Variants in TMPRSS11F observed in about 807,000 individuals in gnomAD.
TMPRSS11F encodes transmembrane protease serine 11F.
Under a neutral mutation model 60.2 loss-of-function variants are expected in TMPRSS11F, and 47 were observed. That is an observed-to-expected ratio of 0.78 (90% CI 0.62 to 1.00). TMPRSS11F has a LOEUF of 1.00. Among genes scored for constraint, TMPRSS11F ranks in the 50% least tolerant of loss-of-function variants. TMPRSS11F has a pLI of 0.00. For missense variants in TMPRSS11F, 519 were observed against 522.9 expected (o/e 0.99, Z 0.07); for synonymous variants, 166 against 167.3 (o/e 0.99, Z 0.06).
chr4:68,090,962 A>G (rs1207626459), intron 2 of TMPRSS11F, among the ~76,000 whole-genome samples: 1 of 152,232 alleles, frequency 6.6e-6, no homozygotes, highest in Non-Finnish European at 1.5e-5. Flanking sequence ...TGTAAATGTC[A>G]TCAGTTCCCT....
chr4:68,090,499 A>T lies in TMPRSS11F; in HGVS notation c.282+24T>A, dbSNP rs748273568. Reference sequence around the variant, plus strand: ...TGATGCAAAAGACACATTAATAAACATTTAAAATTTCTGTTGAGCTTACCA... The same window carrying T: ...TGATGCAAAAGACACATTAATAAACTTTTAAAATTTCTGTTGAGCTTACCA... On this transcript the variant is annotated intron_variant, in intron 3 of 9. Coordinates refer to ENST00000356291, the MANE Select transcript of TMPRSS11F (RefSeq NM_207407.2). 3.8e-6 allele frequency: 6 copies of T among 1,564,550 alleles called. No homozygotes were observed. The Admixed American group carries it at 1.0e-4, about 27-fold the overall frequency.
Position 68,071,600 on chromosome 4 carries a change from G to T in TMPRSS11F, c.514+723C>A, listed in dbSNP as rs564397887. ...TGACATTTAAAATTTTATTTGAAACGCATTATTTTACTACCTTCAATTACA... is the reference window on the plus strand; with the variant it reads ...TGACATTTAAAATTTTATTTGAAACTCATTATTTTACTACCTTCAATTACA... On this transcript the variant is annotated intron_variant, in intron 5 of 9. Coordinates refer to ENST00000356291, the MANE Select transcript of TMPRSS11F (RefSeq NM_207407.2). 1.0e-3 allele frequency among the ~76,000 whole-genome samples: 159 copies of T among 152,228 alleles called. 1 individual carries two copies. The highest frequency in any genetic ancestry group is 1.0e-3 in the Non-Finnish European group (69 of 68,002).
At chr4:68,073,802 G>A in intron 4 of TMPRSS11F, 140 bp downstream of exon 4, 1 of 533,530 alleles carries the variant, frequency 1.9e-6, no homozygotes, top group East Asian at 3.6e-5. Context: ...TGGGAAATAA[G>A]TAGGAAACCT....
At chr4:68,083,352 GT>G (rs935719809) in intron 3 of TMPRSS11F, among the ~76,000 whole-genome samples, 8 of 152,116 alleles carry the variant, frequency 5.3e-5, no homozygotes, top group Non-Finnish European at 1.2e-4. Flanking sequence ...GATGGACCTG[GT>G]AAGAGCATCA....
At chr4:68,054,931 T>C (rs947073862) in intron 9 of TMPRSS11F, among the ~76,000 whole-genome samples, 1 of 152,154 alleles carries the variant, frequency 6.6e-6, no homozygotes, top group Non-Finnish European at 1.5e-5. Flanking sequence ...CGTGCTATGG[T>C]AACACACAAC....
Position 68,059,487 on chromosome 4 carries a change from A to C in TMPRSS11F, c.1016-19T>G, listed in dbSNP as rs878961233. Reference sequence around the variant, plus strand: ...ATAGGTCCTATTGCACAAATGGATAAAAAAACAAATAAACAGTATTCCTCA... The same window carrying C: ...ATAGGTCCTATTGCACAAATGGATACAAAAACAAATAAACAGTATTCCTCA... On this transcript the variant is annotated intron_variant, in intron 8 of 9. Coordinates refer to ENST00000356291, the MANE Select transcript of TMPRSS11F (RefSeq NM_207407.2). The C allele has an allele frequency of 6.2e-7, 1 of 1,606,372 alleles. No homozygotes were observed. Among genetic ancestry groups the C allele is most frequent in the South Asian group, 1.1e-5 (1 of 90,176 alleles).
At chr4:68,096,703 G>A (rs890024221) in intron 2 of TMPRSS11F, among the ~76,000 whole-genome samples, 3 of 152,082 alleles carry the variant, frequency 2.0e-5, no homozygotes, top group South Asian at 2.1e-4. Flanking sequence ...ACTGAAAGCC[G>A]ATCATTCATA....
chr4:68,090,095 CTAAGAT>C (rs1723892554), intron 3 of TMPRSS11F, among the ~76,000 whole-genome samples: 1 of 151,948 alleles, frequency 6.6e-6, no homozygotes, highest in Non-Finnish European at 1.5e-5. Flanking sequence ...ATAACTAGAT[CTAAGAT>C]TAATATCAAG....
intron 1 of TMPRSS11F, among the ~76,000 whole-genome samples, chr4:68,121,046 G>A (rs1724616231): frequency 1.3e-5 from 2 of 152,202 alleles, no homozygotes; most frequent in Non-Finnish European, 2.9e-5. Context: ...GTCTGGAATA[G>A]AACCTGCAAT....
At chr4:68,068,852 T>C in intron 6 of TMPRSS11F, 33 bp from the exon 7 acceptor site, 1 of 1,606,492 alleles carries the variant, frequency 6.2e-7, no homozygotes, top group Non-Finnish European at 8.5e-7. Flanking sequence ...TTCATATTCA[T>C]AAAAAGGAGG....
At chr4:68,092,925 C>G (rs1019130846) in intron 2 of TMPRSS11F, among the ~76,000 whole-genome samples, 3 of 152,054 alleles carry the variant, frequency 2.0e-5, no homozygotes, top group Non-Finnish European at 2.9e-5. Flanking sequence ...TGAAGCATAA[C>G]TATATTAGTC....
chr4:68,092,159 T>A (rs185418159), intron 2 of TMPRSS11F, among the ~76,000 whole-genome samples: 9 of 152,118 alleles, frequency 5.9e-5, no homozygotes, highest in Non-Finnish European at 1.0e-4. Context: ...CATTTAAATA[T>A]TCATTTAAAT....
At chr4:68,113,875 T>C (rs1577934814) in intron 1 of TMPRSS11F, among the ~76,000 whole-genome samples, 1 of 152,194 alleles carries the variant, frequency 6.6e-6, no homozygotes, top group South Asian at 2.1e-4. Flanking sequence ...AAGAGCACAA[T>C]TTGGTTCATA....
intron 1 of TMPRSS11F, among the ~76,000 whole-genome samples, chr4:68,117,131 C>T (rs549664287): frequency 6.8e-6 from 1 of 146,438 alleles, no homozygotes; most frequent in South Asian, 2.2e-4. Context: ...TTATAAGGAA[C>T]TCCTACAACT....
intron 1 of TMPRSS11F, among the ~76,000 whole-genome samples, chr4:68,103,034 G>A (rs1297467240): frequency 1.1e-5 from 1 of 90,252 alleles, no homozygotes; most frequent in Non-Finnish European, 2.3e-5. Context: ...GCATTCTTTT[G>A]CATGTGGAAA....
intron 7 of TMPRSS11F, among the ~76,000 whole-genome samples, chr4:68,066,761 C>T (rs1212083811): frequency 6.6e-6 from 1 of 151,748 alleles, no homozygotes; most frequent in Non-Finnish European, 1.5e-5. Context: ...CGGTGAAACC[C>T]TGTCACTACT....
Position 68,129,862 on chromosome 4 carries a change from T to TGGTGA in TMPRSS11F, c.-43_-42insTCACC. The TGGTGA allele has an allele frequency of 6.2e-7, 1 of 1,609,672 alleles. No individual in the cohort carries two copies. On this transcript the variant is annotated 5_prime_UTR_variant, in exon 1 of 10. Transcript: ENST00000356291. ...CAGCTTCTATTCAGTCACCATCTGATCTGTATCAGCAGGTTAGGACTTGGA... is the reference window on the plus strand; with the variant it reads ...CAGCTTCTATTCAGTCACCATCTGATGGTGACTGTATCAGCAGGTTAGGACTTGGA...
Position 68,090,536 on chromosome 4 carries a change from T to G in TMPRSS11F, c.269A>C (p.Gln90Pro), listed in dbSNP as rs747163690. ...SSREFIERSHQIERMMSRIFR... is the reference protein window; with the variant it reads ...SSREFIERSHPIERMMSRIFR... Reference sequence around the variant, plus strand: ...TGTTGAGCTTACCATTCTTTCAATCTGATGACTCCTTTCTATAAACTCTCT... The same window carrying G: ...TGTTGAGCTTACCATTCTTTCAATCGGATGACTCCTTTCTATAAACTCTCT... Residue 90 changes from glutamine (Q) to proline (P), a missense_variant, in exon 3 of 10, where the codon CAG (glutamine) becomes CCG (proline). By Grantham distance (76) the Gln-to-Pro change is moderately conservative. Transcript: ENST00000356291. 31 of 1,586,760 alleles carry G rather than the reference T, an allele frequency of 2.0e-5. No homozygotes were observed. The highest frequency in any genetic ancestry group is 1.7e-4 in the Middle Eastern group (1 of 5,918).
chr4:68,071,097 A>G (rs913030515), intron 5 of TMPRSS11F, among the ~76,000 whole-genome samples: 4 of 152,162 alleles, frequency 2.6e-5, no homozygotes, highest in Admixed American at 2.0e-4. Context: ...TTTGTAATGG[A>G]TATTTTACTT....
Sources: gnomAD v4.1 joint callset for allele counts (sites outside exome capture counted in the v4.1 genomes callset) on GRCh38, gnomAD v4.1.1 for gene constraint, MANE v1.5 for transcripts, NCBI Gene and HGNC (gene_info 2026-07-23, HGNC 2026-07-21) for gene names.